LRRC4C: variants seen among roughly 807,000 people sequenced by gnomAD.
LRRC4C encodes the protein leucine rich repeat containing 4C.
LRRC4C carries 5 observed loss-of-function variants against 33.6 expected under a neutral mutation model. That is an observed-to-expected ratio of 0.15 (90% CI 0.08 to 0.31). The LOEUF (loss-of-function observed/expected upper bound fraction) is 0.31. Ranked by LOEUF, LRRC4C falls within the 10% of genes least tolerant of loss-of-function variation. LRRC4C has a pLI of 1.00. For synonymous variants in LRRC4C, 329 were observed against 302.0 expected, an observed-to-expected ratio of 1.09 and a Z score of -0.93; for missense variants, 560 against 796.7, an observed-to-expected ratio of 0.70 and a Z score of 3.58.
rs917841625 is a variant in LRRC4C at position 40,979,829 on chromosome 11, T to C, written c.-495-46106A>G. On this transcript the variant is annotated intron_variant, in intron 1 of 6. Coordinates refer to ENST00000528697, the MANE Select transcript of LRRC4C (RefSeq NM_001258419.2). ...TTCAAATATCCATCCAACTATTATC[T>C]CAGTAAAACAGCAGGGTTGGATTAT... Among the ~76,000 whole-genome samples the C allele has an allele frequency of 4.1e-4, 63 of 152,188 alleles. 2 individuals carry two copies. The highest frequency in any genetic ancestry group is 2.9e-5 in the Non-Finnish European group (2 of 68,032).
intron 1 of LRRC4C, among the ~76,000 whole-genome samples, chr11:41,200,325 T>C (rs1403227950): frequency 6.6e-6 from 1 of 152,114 alleles, no homozygotes; most frequent in African/African-American, 2.4e-5. Context: ...GCTGTGGAAG[T>C]AAAAAGGCAT....
chr11:40,910,534 C>T (rs1639118702), intron 2 of LRRC4C, among the ~76,000 whole-genome samples: 2 of 152,128 alleles, frequency 1.3e-5, no homozygotes, highest in South Asian at 2.1e-4. Flanking sequence ...TTTTAGTAAG[C>T]CATATTCATT....
intron 1 of LRRC4C, among the ~76,000 whole-genome samples, chr11:41,457,611 T>G (rs577523962): frequency 3.3e-5 from 5 of 152,270 alleles, no homozygotes; most frequent in African/African-American, 1.2e-4. Flanking sequence ...GCTCAAGCCA[T>G]TTAAAAATTA....
chr11:41,214,729 G>A (rs1385228144), intron 1 of LRRC4C, among the ~76,000 whole-genome samples: 2 of 147,236 alleles, frequency 1.4e-5, no homozygotes, highest in Admixed American at 6.8e-5. Context: ...CAGCCTGGGC[G>A]ACAGAGCCAG....
intron 5 of LRRC4C, among the ~76,000 whole-genome samples, chr11:40,202,722 A>C (rs1211418916): frequency 6.6e-6 from 1 of 152,110 alleles, no homozygotes; most frequent in African/African-American, 2.4e-5. Context: ...AGCAATCTCA[A>C]ACCAGCCTGC....
intron 1 of LRRC4C, among the ~76,000 whole-genome samples, chr11:40,958,936 G>C (rs1430132490): frequency 6.6e-6 from 1 of 151,650 alleles, no homozygotes; most frequent in Non-Finnish European, 1.5e-5. Context: ...TCATCCTTAG[G>C]CAGGAATTAT....
chr11:41,400,308 C>T (rs1953977526), intron 1 of LRRC4C, among the ~76,000 whole-genome samples: 1 of 151,818 alleles, frequency 6.6e-6, no homozygotes, highest in Admixed American at 6.6e-5. Flanking sequence ...ATTTAGTAAA[C>T]ACTCATTTGT....
At chr11:41,442,280 T>A in intron 1 of LRRC4C, among the ~76,000 whole-genome samples, 1 of 151,922 alleles carries the variant, frequency 6.6e-6, no homozygotes, top group East Asian at 1.9e-4. Flanking sequence ...AACTGCTTTC[T>A]AAAAAAGTGT....
chr11:41,402,071 C>G (rs887861740), intron 1 of LRRC4C, among the ~76,000 whole-genome samples: 1 of 151,826 alleles, frequency 6.6e-6, no homozygotes, highest in East Asian at 1.9e-4. Flanking sequence ...CCTGAAAAGT[C>G]TAGTGGGATA....
chr11:41,441,463 C>T (rs1955615720), intron 1 of LRRC4C, among the ~76,000 whole-genome samples: 1 of 151,640 alleles, frequency 6.6e-6, no homozygotes, highest in African/African-American at 2.4e-5. Flanking sequence ...GTTTATCAGC[C>T]ACCCCAAAGT....
chr11:41,442,588 G>T lies in LRRC4C; in HGVS notation c.-496+16843C>A, dbSNP rs550978672. ...GGGTTCACGCCATTCTCCTGCCTCAGCCTCCCGAGTAGCTGGGACTACAGG... is the reference window on the plus strand; with the variant it reads ...GGGTTCACGCCATTCTCCTGCCTCATCCTCCCGAGTAGCTGGGACTACAGG... On this transcript the variant is annotated intron_variant, in intron 1 of 6. Coordinates refer to ENST00000528697, the MANE Select transcript of LRRC4C (RefSeq NM_001258419.2). Among the ~76,000 whole-genome samples, 8 of 145,192 alleles carry T rather than the reference G, an allele frequency of 5.5e-5. No individual in the cohort carries two copies. In the East Asian group the frequency reaches 1.7e-3, roughly 31 times the overall value.
chr11:41,415,418 A>G (rs1954640925), intron 1 of LRRC4C, among the ~76,000 whole-genome samples: 1 of 152,174 alleles, frequency 6.6e-6, no homozygotes, highest in African/African-American at 2.4e-5. Flanking sequence ...AGTGTTTTGA[A>G]TTAGAAAGCA....
chr11:40,472,667 C>G (rs537793247), intron 3 of LRRC4C, among the ~76,000 whole-genome samples: 13 of 151,714 alleles, frequency 8.6e-5, no homozygotes, highest in African/African-American at 3.1e-4. Context: ...TCAATGAATC[C>G]AGGAGCTGGT....
intron 2 of LRRC4C, among the ~76,000 whole-genome samples, chr11:40,749,033 G>T (rs73475341): frequency 6.6e-6 from 1 of 152,072 alleles, no homozygotes; most frequent in African/African-American, 2.4e-5. Context: ...GCAATGGAAT[G>T]ATTGTAGGAG....
At chr11:40,772,765 G>A (rs556267156) in intron 2 of LRRC4C, among the ~76,000 whole-genome samples, 1 of 152,284 alleles carries the variant, frequency 6.6e-6, no homozygotes, top group Admixed American at 6.5e-5. Context: ...GTGTAAATTA[G>A]TACAGCTACT....
intron 3 of LRRC4C, among the ~76,000 whole-genome samples, chr11:40,320,418 TG>T (rs1945787401): frequency 6.6e-6 from 1 of 152,092 alleles, no homozygotes; most frequent in Non-Finnish European, 1.5e-5. Flanking sequence ...GGCAGGAGAA[TG>T]GTGTGAACCC....
At chr11:40,315,604 A>G (rs939122840) in intron 4 of LRRC4C, among the ~76,000 whole-genome samples, 1 of 151,956 alleles carries the variant, frequency 6.6e-6, no homozygotes, top group Non-Finnish European at 1.5e-5. Context: ...TATATCAATA[A>G]ACTATATAAC....
chr11:40,489,050 T>A (rs894545217), intron 3 of LRRC4C, among the ~76,000 whole-genome samples: 1 of 152,080 alleles, frequency 6.6e-6, no homozygotes, highest in African/African-American at 2.4e-5. Context: ...CTGGAAAAGG[T>A]CCCTTCTCTA....
At chr11:40,859,922 A>G (rs574843571) in intron 2 of LRRC4C, among the ~76,000 whole-genome samples, 59 of 151,938 alleles carry the variant, frequency 3.9e-4, no homozygotes, top group Non-Finnish European at 7.5e-4. Flanking sequence ...TAAAAATACA[A>G]GAAAAAAATA....
Sources: allele counts gnomAD v4.1 joint callset (sites outside exome capture counted in the v4.1 genomes callset), GRCh38; gene constraint gnomAD v4.1.1; transcripts MANE v1.5; gene names NCBI Gene and HGNC (gene_info 2026-07-23, HGNC 2026-07-21).